The following CSN1S1 variants were observed in gnomAD, a reference collection of about 807,000 sequenced individuals.
CSN1S1 encodes the protein alpha-S1-casein.
In CSN1S1, 63 loss-of-function variants were observed where a neutral mutation model predicts 49.1. That is an observed-to-expected ratio of 1.28 (90% CI 1.05 to 1.58). The LOEUF is 1.58. Ranked by LOEUF, CSN1S1 falls within the 40% of genes most tolerant of loss-of-function variation. The pLI is 0.00. For synonymous variants in CSN1S1, 78 were observed against 67.1 expected, an observed-to-expected ratio of 1.16 and a Z score of -0.79; for missense variants, 260 against 224.7, an observed-to-expected ratio of 1.16 and a Z score of -1.01.
At position 69,937,133 on chromosome 4, in the gene CSN1S1, G is replaced by A; in HGVS notation, c.208G>A (p.Glu70Lys). The change falls in exon 8 of 16, where the codon GAG becomes AAG. Residue 70 changes from glutamate to lysine, a missense_variant. Transcript: ENST00000246891. ...ACTGTCTTGGCAGGATACTAGGAAT[G>A]AGTCTACTCAGGTGAGACCCTTTGT... ...QTDEIKDTRN[E>K]STQNCVVAEP... 1 of 1,542,158 alleles carries A rather than the reference G, an allele frequency of 6.5e-7. No individual in the cohort carries two copies. The highest frequency in any genetic ancestry group is 1.2e-5 in the South Asian group (1 of 82,210).
chr4:69,944,610 G>A (rs541912811), intron 14 of CSN1S1, among the ~76,000 whole-genome samples: 5 of 151,956 alleles, frequency 3.3e-5, no homozygotes, highest in African/African-American at 9.6e-5. Flanking sequence ...TTTAAATAAT[G>A]TCCTTAAAAA....
intron 15 of CSN1S1, among the ~76,000 whole-genome samples, chr4:69,945,593 A>G (rs1723136157): frequency 6.6e-6 from 1 of 152,052 alleles, no homozygotes; most frequent in African/African-American, 2.4e-5. Flanking sequence ...ATCTTTATTA[A>G]TGACTTCCTT....
chr4:69,944,821 T>A (rs767331513), intron 14 of CSN1S1, 29 bp from the exon 15 acceptor site: 4 of 1,609,852 alleles, frequency 2.5e-6, no homozygotes, highest in Non-Finnish European at 3.4e-6. Flanking sequence ...GCTCATACAC[T>A]GTTGCTTTTC....
intron 13 of CSN1S1, 55 bp from the exon 14 acceptor site, chr4:69,942,481 A>G (rs1450908265): frequency 6.1e-6 from 8 of 1,311,486 alleles, no homozygotes; most frequent in Admixed American, 3.9e-5. Context: ...TGTAAGATAA[A>G]TGTGTTGTAC....
At position 69,941,043 on chromosome 4, in the gene CSN1S1, T is replaced by C. The variant is rs2109725013; in HGVS notation, c.325T>C (p.Tyr109His). The C allele has an allele frequency of 2.6e-6, 4 of 1,512,384 alleles. No homozygotes were observed. Among genetic ancestry groups the C allele is most frequent in the Non-Finnish European group, 9.0e-7 (1 of 1,107,126 alleles). The allele number at this position is 1,512,384 out of a possible 1,614,324, so 93.7% of individuals were successfully genotyped here. A position where few individuals can be genotyped will look rare whatever the true frequency, so the allele number is the denominator to read the frequency against. Residue 109 changes from tyrosine (Y) to histidine (H), a missense_variant, in exon 12 of 16, where the codon TAC (tyrosine) becomes CAC (histidine). By Grantham distance (83) the Tyr-to-His change is moderately conservative. Transcript: ENST00000246891. ...GGAACAGTTTTGTAGACTGAACGAA[T>C]ACAACCAACTTCAGCTGGTAATATT... ...CAEQFCRLNE[Y>H]NQLQLQAAHA...
intron 10 of CSN1S1, among the ~76,000 whole-genome samples, 151 bp downstream of exon 10, chr4:69,939,359 A>G (rs1377595394): frequency 2.0e-5 from 3 of 151,790 alleles, no homozygotes; most frequent in African/African-American, 7.2e-5. Flanking sequence ...GTAGCTATCC[A>G]AAAGAAGTAA....
At position 69,945,130 on chromosome 4, in the gene CSN1S1, T is replaced by C. The variant is rs1054287477; in HGVS notation, c.557+126T>C. ...CAAATCAATGCCTACTGCAAAGGACTAATATGTTCTGAAATGGAAAATTGA... is the reference window on the plus strand; with the variant it reads ...CAAATCAATGCCTACTGCAAAGGACCAATATGTTCTGAAATGGAAAATTGA... On this transcript the variant is annotated intron_variant, in intron 15 of 15. Transcript: ENST00000246891. The C allele has an allele frequency of 1.9e-5, 18 of 955,716 alleles. No homozygotes were observed. In the African/African-American group the frequency reaches 3.0e-4, roughly 16 times the overall value. 59.2% of individuals were successfully genotyped at this position (955,716 alleles called of 1,614,324 possible).
At chr4:69,934,084 T>C (rs1722693392) in intron 2 of CSN1S1, 128 bp from the exon 3 acceptor site, 1 of 529,024 alleles carries the variant, frequency 1.9e-6, no homozygotes, top group Non-Finnish European at 3.3e-6. Context: ...CTGACAAATA[T>C]TGCTATTAAA....
intron 3 of CSN1S1, among the ~76,000 whole-genome samples, chr4:69,934,471 ATAGT>A (rs1172060812): frequency 1.3e-5 from 2 of 152,106 alleles, no homozygotes; most frequent in Non-Finnish European, 2.9e-5. Flanking sequence ...TTCCAGAGAA[ATAGT>A]TAATTAAACA....
rs139100060 is a variant in CSN1S1 at position 69,933,014 on chromosome 4, C to T, written c.51+408C>T. Among the ~76,000 whole-genome samples, 8 of 151,948 alleles carry T rather than the reference C, an allele frequency of 5.3e-5. No individual in the cohort carries two copies. In the East Asian group the frequency reaches 1.4e-3, roughly 26 times the overall value. Reference sequence around the variant, plus strand: ...TTTCTTTACCAAATATAACACAAAGCCACATGTTCCAATGTATCCTACTTT... The same window carrying T: ...TTTCTTTACCAAATATAACACAAAGTCACATGTTCCAATGTATCCTACTTT... On this transcript the variant is annotated intron_variant, in intron 2 of 15. Coordinates refer to ENST00000246891, the MANE Select transcript of CSN1S1 (RefSeq NM_001890.2).
Position 69,939,172 on chromosome 4 carries a change from T to G in CSN1S1, c.244-4T>G. The G allele has an allele frequency of 6.3e-7, 1 of 1,598,310 alleles. No individual in the cohort carries two copies. Among genetic ancestry groups the G allele is most frequent in the East Asian group, 2.2e-5 (1 of 44,560 alleles). ...ATAATTAACACTAGATTTCTTTCTT[T>G]TAGAAGATGGAATCCAGCATCAGTT... On this transcript the variant is annotated splice_polypyrimidine_tract_variant and splice_region_variant and intron_variant, in intron 9 of 15. Transcript: ENST00000246891.
chr4:69,944,998 A>G lies in CSN1S1; in HGVS notation c.551A>G (p.Gln184Arg). Residue 184 changes from glutamine to arginine, a missense_variant, in exon 15 of 16, where the codon CAG becomes CGG. Transcript: ENST00000246891. ...ENYEKNNVML[Q>R]W ...TATGAAAAAAATAACGTCATGCTAC[A>G]GTGGTGGTAAGTTCATTTAAATTAC... 1.9e-6 allele frequency: 3 copies of G among 1,612,484 alleles called. No individual in the cohort carries two copies. Among genetic ancestry groups the G allele is most frequent in the Non-Finnish European group, 2.5e-6 (3 of 1,178,950 alleles).
intron 14 of CSN1S1, 83 bp from the exon 15 acceptor site, chr4:69,944,767 G>T: frequency 2.2e-6 from 3 of 1,363,654 alleles, no homozygotes; most frequent in African/African-American, 1.4e-5. Context: ...TCTTGGAAAT[G>T]AATGAGATGT....
chr4:69,946,203 T>A lies in CSN1S1; in HGVS notation c.*7T>A, dbSNP rs1002958910. The stretch of plus-strand genomic sequence containing the variant: ...TTCTATTTCTATTTACAGATATGAT[T>A]GAAAATTTCATTCTCTGAATTTCTC... On this transcript the variant is annotated 3_prime_UTR_variant, in exon 16 of 16. Transcript: ENST00000246891. 5 of 550,362 alleles carry A rather than the reference T, an allele frequency of 9.1e-6. No homozygotes were observed. The East Asian group carries it at 1.2e-4, about 14-fold the overall frequency. 34.1% of individuals were successfully genotyped at this position (550,362 alleles called of 1,614,324 possible).
chr4:69,939,950 T>C, intron 10 of CSN1S1, 71 bp from the exon 11 acceptor site: 3 of 912,072 alleles, frequency 3.3e-6, no homozygotes, highest in Non-Finnish European at 4.9e-6. Flanking sequence ...GTTTTGTTGA[T>C]TCATATTTTA....
rs140712702 is a variant in CSN1S1 at position 69,941,304 on chromosome 4, G to A, written c.342+244G>A. Among the ~76,000 whole-genome samples, 776 of 151,820 alleles carry A rather than the reference G, an allele frequency of 5.1e-3. 8 individuals are homozygous for A. Among genetic ancestry groups the A allele is most frequent in the African/African-American group, 0.018 (746 of 41,498 alleles). Reference sequence around the variant, plus strand: ...TCCATACTTACTAACCAGGGAGAAAGTGACTACATTCTACTGCAAATCCAC... The same window carrying A: ...TCCATACTTACTAACCAGGGAGAAAATGACTACATTCTACTGCAAATCCAC... On this transcript the variant is annotated intron_variant, in intron 12 of 15. Coordinates refer to ENST00000246891, the MANE Select transcript of CSN1S1 (RefSeq NM_001890.2).
At chr4:69,935,489 G>A (rs1420212248) in intron 4 of CSN1S1, among the ~76,000 whole-genome samples, 1 of 152,018 alleles carries the variant, frequency 6.6e-6, no homozygotes, top group African/African-American at 2.4e-5. Context: ...GGTTAAAGCT[G>A]CAATGAGTCG....
intron 2 of CSN1S1, 89 bp downstream of exon 2, chr4:69,932,695 T>G: frequency 8.4e-7 from 1 of 1,191,148 alleles, no homozygotes; most frequent in Non-Finnish European, 1.2e-6. Flanking sequence ...AGAGAAATAA[T>G]CTTAAAGCAC....
intron 14 of CSN1S1, among the ~76,000 whole-genome samples, chr4:69,944,225 C>A (rs1192772301): frequency 6.6e-6 from 1 of 151,936 alleles, no homozygotes; most frequent in Non-Finnish European, 1.5e-5. Flanking sequence ...GCAACTGTTT[C>A]TATGAACAAT....
Sources: allele counts gnomAD v4.1 joint callset (sites outside exome capture counted in the v4.1 genomes callset), GRCh38; gene constraint gnomAD v4.1.1; transcripts MANE v1.5; gene names NCBI Gene and HGNC (gene_info 2026-07-23, HGNC 2026-07-21).